GLYATL2: variants seen among roughly 807,000 people sequenced by gnomAD.
The protein encoded by GLYATL2 is glycine N-acyltransferase-like protein 2.
A neutral mutation model predicts 21.4 loss-of-function variants in GLYATL2; 25 were observed. The ratio of observed to expected loss-of-function variants is 1.17; its 90% CI spans 0.85 to 1.63. GLYATL2 has a LOEUF of 1.63. Among genes scored for constraint, GLYATL2 ranks in the 40% most tolerant of loss-of-function variants. The pLI is 0.00. For missense variants in GLYATL2, 361 were observed against 343.3 expected (o/e 1.05, Z -0.41); for synonymous variants, 114 against 118.2 (o/e 0.96, Z 0.23).
chr11:58,862,753 TAA>T (rs1407630625), intron 1 of GLYATL2, among the ~76,000 whole-genome samples: 1 of 152,226 alleles, frequency 6.6e-6, no homozygotes, highest in African/African-American at 2.4e-5. Context: ...CTGTGTATTT[TAA>T]AGACAATTAT....
intron 1 of GLYATL2, among the ~76,000 whole-genome samples, chr11:58,868,729 G>A (rs1854061645): frequency 6.7e-6 from 1 of 149,038 alleles, no homozygotes; most frequent in Admixed American, 6.9e-5. Context: ...CTGGAGATGA[G>A]TTCCCTCTCT....
intron 1 of GLYATL2, among the ~76,000 whole-genome samples, chr11:58,884,632 C>G (rs1337912692): frequency 3.9e-5 from 6 of 152,160 alleles, no homozygotes; most frequent in Non-Finnish European, 5.9e-5. Context: ...TTGGGAACCT[C>G]ACAGAACTCT....
intron 1 of GLYATL2, chr11:58,892,230 A>C (rs1230551769): frequency 1.2e-5 from 2 of 164,486 alleles, no homozygotes; most frequent in Non-Finnish European, 2.7e-5. Context: ...ATGACTGACA[A>C]CATGGATTCT....
chr11:58,896,646 C>T (rs753868782), intron 1 of GLYATL2, among the ~76,000 whole-genome samples: 9 of 152,148 alleles, frequency 5.9e-5, no homozygotes, highest in East Asian at 1.9e-4. Context: ...GGAGTAGGGA[C>T]GGGTTTATTA....
chr11:58,907,347 C>T (rs1446590067), upstream of GLYATL2: 5 of 456,126 alleles, frequency 1.1e-5, no homozygotes, highest in Middle Eastern at 3.2e-4. Context: ...CCCTTCCTTG[C>T]GACACTGGCC....
In GLYATL2 at chr11:58,834,292, C is replaced by T. The variant is rs183192750; in HGVS notation, c.*137G>A. The T allele has an allele frequency of 1.6e-4, 99 of 618,382 alleles. No individual in the cohort carries two copies. The African/African-American group carries it at 1.6e-3, about 10-fold the overall frequency. 38.3% of individuals were successfully genotyped at this position (618,382 alleles called of 1,614,324 possible). On this transcript the variant is annotated 3_prime_UTR_variant, in exon 6 of 6. Coordinates refer to ENST00000287275, the MANE Select transcript of GLYATL2 (RefSeq NM_145016.4). ...AATACAGAGGAGAAGGAAGGTAAAA[C>T]TGTTAAGGGTGAGCTTAAGTAATAC...
chr11:58,902,551 T>A (rs1178273626), intron 1 of GLYATL2, among the ~76,000 whole-genome samples: 1 of 152,158 alleles, frequency 6.6e-6, no homozygotes, highest in Non-Finnish European at 1.5e-5. Flanking sequence ...TAGAAGCATC[T>A]TTTAGGGGTT....
At chr11:58,889,027 T>TC (rs952869375) in intron 1 of GLYATL2, among the ~76,000 whole-genome samples, 12 of 151,618 alleles carry the variant, frequency 7.9e-5, no homozygotes, top group African/African-American at 2.9e-4. Flanking sequence ...TGCTCTTTTT[T>TC]TTCACTTTTT....
At chr11:58,862,664 T>C (rs1345705356) in intron 1 of GLYATL2, among the ~76,000 whole-genome samples, 1 of 152,228 alleles carries the variant, frequency 6.6e-6, no homozygotes, top group African/African-American at 2.4e-5. Flanking sequence ...ATGATTTCTC[T>C]TTGTTGAACT....
chr11:58,838,860 G>A (rs1477054287), intron 2 of GLYATL2, among the ~76,000 whole-genome samples: 1 of 152,112 alleles, frequency 6.6e-6, no homozygotes, highest in Non-Finnish European at 1.5e-5. Flanking sequence ...AGGAGGAAAA[G>A]CACTACCTGT....
At chr11:58,854,846 C>G (rs1409308774) in intron 1 of GLYATL2, among the ~76,000 whole-genome samples, 2 of 152,138 alleles carry the variant, frequency 1.3e-5, no homozygotes, top group Non-Finnish European at 2.9e-5. Flanking sequence ...AAATCTTCAC[C>G]ACGAGTAGTT....
At chr11:58,838,876 A>C (rs1219865318) in intron 2 of GLYATL2, among the ~76,000 whole-genome samples, 1 of 152,288 alleles carries the variant, frequency 6.6e-6, no homozygotes, top group South Asian at 2.1e-4. Context: ...CCTGTCTAGG[A>C]AGTGATAAGG....
intron 1 of GLYATL2, among the ~76,000 whole-genome samples, chr11:58,875,919 AG>A (rs1294996677): frequency 8.5e-5 from 13 of 152,192 alleles, no homozygotes; most frequent in African/African-American, 3.1e-4. Context: ...CGTCACTTTC[AG>A]GTACACCAGT....
chr11:58,884,400 C>A (rs1854398790), intron 1 of GLYATL2, among the ~76,000 whole-genome samples: 1 of 152,184 alleles, frequency 6.6e-6, no homozygotes, highest in South Asian at 2.1e-4. Flanking sequence ...AAATCACAAG[C>A]ATTCTTATAC....
chr11:58,874,323 T>A (rs886357445), intron 1 of GLYATL2, among the ~76,000 whole-genome samples: 3 of 152,232 alleles, frequency 2.0e-5, no homozygotes, highest in African/African-American at 7.2e-5. Flanking sequence ...TTTCTTGCCT[T>A]CTGCTAGCTT....
upstream of GLYATL2, among the ~76,000 whole-genome samples, chr11:58,904,908 A>G (rs546108106): frequency 5.8e-4 from 89 of 152,302 alleles, no homozygotes; most frequent in African/African-American, 2.1e-3. Flanking sequence ...TCTTTGACCA[A>G]CTTCTCAAAA....
chr11:58,854,658 A>C (rs1348757068), intron 1 of GLYATL2, among the ~76,000 whole-genome samples: 1 of 147,320 alleles, frequency 6.8e-6, no homozygotes, highest in African/African-American at 2.5e-5. Context: ...TGTTGCATTG[A>C]TTAACTCTTC....
At chr11:58,875,016 T>C (rs1440692856) in intron 1 of GLYATL2, among the ~76,000 whole-genome samples, 1 of 152,260 alleles carries the variant, frequency 6.6e-6, no homozygotes. Flanking sequence ...GTTCTTCTTG[T>C]TGAATTGATC....
chr11:58,902,767 G>A (rs1043794794), intron 1 of GLYATL2, among the ~76,000 whole-genome samples: 1 of 152,212 alleles, frequency 6.6e-6, no homozygotes, highest in Non-Finnish European at 1.5e-5. Context: ...CCAACAAGAT[G>A]CTTTCTGCCA....
Sources: allele counts gnomAD v4.1 joint callset (sites outside exome capture counted in the v4.1 genomes callset), GRCh38; gene constraint gnomAD v4.1.1; transcripts MANE v1.5; gene names NCBI Gene and HGNC (gene_info 2026-07-23, HGNC 2026-07-21).